Variants in PCDHGB1 observed in about 807,000 individuals in gnomAD.
PCDHGB1 encodes the protein protocadherin gamma subfamily B, 1.
PCDHGB1 carries 34 observed loss-of-function variants against 56.6 expected under a neutral mutation model. That is an observed-to-expected ratio of 0.60 (90% CI 0.46 to 0.80). The LOEUF is 0.80. Ranked by LOEUF, PCDHGB1 falls within the 30% of genes least tolerant of loss-of-function variation. The pLI is 0.00. For missense variants in PCDHGB1, 1,278 were observed against 1,204.6 expected, an observed-to-expected ratio of 1.06 and a Z score of -0.90; for synonymous variants, 561 against 505.9, an observed-to-expected ratio of 1.11 and a Z score of -1.46.
chr5:141,384,160 A>G, intron 1 of PCDHGB1: 1 of 1,613,640 alleles, frequency 6.2e-7, no homozygotes, highest in African/African-American at 1.3e-5. Flanking sequence ...GTATAACATC[A>G]CACTGAAAGC....
At chr5:141,488,519 G>C (rs1210943979) in intron 1 of PCDHGB1, among the ~76,000 whole-genome samples, 1 of 152,184 alleles carries the variant, frequency 6.6e-6, no homozygotes, top group Non-Finnish European at 1.5e-5. Flanking sequence ...GGGGTCTGGG[G>C]TGTCAGAAAA....
chr5:141,396,662 G>C (rs1589287769), intron 1 of PCDHGB1: 1 of 151,614 alleles, frequency 6.6e-6, no homozygotes, highest in Admixed American at 6.6e-5. Context: ...ACTCGGTATA[G>C]GCTATCCATT....
Position 141,487,295 on chromosome 5 carries a change from T to C in PCDHGB1, c.2410-7512T>C, listed in dbSNP as rs2099642474. The C allele has an allele frequency of 5.6e-6, 9 of 1,614,164 alleles. No individual in the cohort carries two copies. In the East Asian group the frequency reaches 1.3e-4, roughly 24 times the overall value. ...AATTTGCTTTGTCTCCTTTGGCTCA[T>C]TCGTGGCACTACTCTCTAAGTGTCT... On this transcript the variant is annotated intron_variant, in intron 1 of 3. Transcript: ENST00000523390. This position sits in a 1 kb window ranked among gnomAD's most constrained non-coding sequence, Gnocchi z 5.0.
intron 3 of PCDHGB1, among the ~76,000 whole-genome samples, chr5:141,507,893 G>C (rs750472786): frequency 2.2e-4 from 33 of 152,356 alleles, no homozygotes; most frequent in Non-Finnish European, 4.1e-4. Context: ...AGAGGTTCCT[G>C]AAGTCCAGCC....
chr5:141,372,672 T>A, intron 1 of PCDHGB1: 1 of 1,613,978 alleles, frequency 6.2e-7, no homozygotes. Context: ...TGCCTCACAT[T>A]CCTCAAACAC....
intron 2 of PCDHGB1, among the ~76,000 whole-genome samples, chr5:141,499,689 CTTTTTTT>C (rs545067566): frequency 8.3e-6 from 1 of 119,856 alleles, no homozygotes; most frequent in Non-Finnish European, 1.7e-5. Flanking sequence ...TAACAGATGA[CTTTTTTT>C]TTTTTTTTTT....
chr5:141,501,013 C>A (rs1456343329), intron 2 of PCDHGB1, among the ~76,000 whole-genome samples: 6 of 151,970 alleles, frequency 3.9e-5, no homozygotes, highest in Non-Finnish European at 8.8e-5. Flanking sequence ...GGACTACAGG[C>A]ACGCGCCACC....
At chr5:141,504,269 A>T (rs7715517) in intron 2 of PCDHGB1, among the ~76,000 whole-genome samples, 3,100 of 152,246 alleles carry the variant, frequency 0.02, 113 homozygotes, top group African/African-American at 0.07. Context: ...GTATTTTTTT[A>T]AATTATGAAT....
At chr5:141,386,978 T>C (rs1267866332) in intron 1 of PCDHGB1, among the ~76,000 whole-genome samples, 1 of 152,172 alleles carries the variant, frequency 6.6e-6, no homozygotes, top group Non-Finnish European at 1.5e-5. Flanking sequence ...GACTTTGTGT[T>C]TTGAGGCTAT....
At chr5:141,404,949 A>G in intron 1 of PCDHGB1, 1 of 1,613,834 alleles carries the variant, frequency 6.2e-7, no homozygotes, top group Non-Finnish European at 8.5e-7. Flanking sequence ...GCCATAGCTG[A>G]CAGCATCCCA....
chr5:141,387,704 GC>G (rs1273015763), intron 1 of PCDHGB1: 1 of 969,516 alleles, frequency 1.0e-6, no homozygotes, highest in African/African-American at 1.6e-5. Flanking sequence ...TTCCAGGGCA[GC>G]CCCAGCTCAG....
chr5:141,385,870 A>G (rs2150302172), intron 1 of PCDHGB1: 1 of 153,178 alleles, frequency 6.5e-6, no homozygotes, highest in African/African-American at 2.4e-5. Flanking sequence ...AGAAGGTTGG[A>G]TTTATGCCTA....
chr5:141,371,047 G>A, intron 1 of PCDHGB1: 1 of 1,613,990 alleles, frequency 6.2e-7, no homozygotes. Flanking sequence ...GTGGATGGGG[G>A]CGAGCCCTCC....
Position 141,491,620 on chromosome 5 carries a change from A to C in PCDHGB1, c.2410-3187A>C. On this transcript the variant is annotated intron_variant, in intron 1 of 3. Coordinates refer to ENST00000523390, the MANE Select transcript of PCDHGB1 (RefSeq NM_018922.3). This position sits in a 1 kb window ranked among gnomAD's most constrained non-coding sequence, Gnocchi z 6.9. ...TGACTTCACTTTTCTAAGACCCCTC[A>C]GCGTTCAGCAGCCCACAGCTCTGGC... is the stretch of plus-strand genomic sequence containing the variant. 6.2e-7 allele frequency: 1 copy of C among 1,613,906 alleles called. No individual in the cohort carries two copies. The highest frequency in any genetic ancestry group is 1.1e-5 in the South Asian group (1 of 91,084).
chr5:141,359,965 C>T, intron 1 of PCDHGB1: 1 of 621,570 alleles, frequency 1.6e-6, no homozygotes, highest in South Asian at 5.1e-5. Flanking sequence ...CGAAGAGAAG[C>T]GTTTGGGAGC....
At position 141,487,769 on chromosome 5, in the gene PCDHGB1, T is replaced by C. The variant is rs775270506; in HGVS notation, c.2410-7038T>C. Reference sequence around the variant, plus strand: ...TAACTATGTGGTAGACGCTGTGCTTTGTAACTGTTTCGTGAATTAACCAGA... The same window carrying C: ...TAACTATGTGGTAGACGCTGTGCTTCGTAACTGTTTCGTGAATTAACCAGA... On this transcript the variant is annotated intron_variant, in intron 1 of 3. Transcript: ENST00000523390. The surrounding 1 kb of genome is among the most constrained non-coding windows in gnomAD (Gnocchi z 5.0). 8 of 1,538,288 alleles carry C rather than the reference T, an allele frequency of 5.2e-6. No homozygotes were observed. The highest frequency in any genetic ancestry group is 1.2e-5 in the South Asian group (1 of 82,608).
chr5:141,421,239 G>T (rs773410079), intron 1 of PCDHGB1: 5 of 1,599,000 alleles, frequency 3.1e-6, no homozygotes, highest in Middle Eastern at 3.3e-4. Flanking sequence ...TGGCGAATCG[G>T]CTACAGCGCG....
chr5:141,420,460 A>G lies in PCDHGB1; in HGVS notation c.2409+67791A>G, dbSNP rs946386638. On this transcript the variant is annotated intron_variant, in intron 1 of 3. Coordinates refer to ENST00000523390, the MANE Select transcript of PCDHGB1 (RefSeq NM_018922.3). ...AATGCCTCAGTCTTCCTACTATTCA[A>G]AGACATTTTAAAGCAAACTACATGG... The G allele has an allele frequency of 3.4e-6, 3 of 889,944 alleles. No individual in the cohort carries two copies. The African/African-American group carries it at 5.2e-5, about 16-fold the overall frequency. 55.1% of individuals were successfully genotyped at this position (889,944 alleles called of 1,614,324 possible).
At chr5:141,371,952 T>A in intron 1 of PCDHGB1, 1 of 1,613,260 alleles carries the variant, frequency 6.2e-7, no homozygotes. Flanking sequence ...GCAGCGAGCC[T>A]TCGACCACGA....
Sources: gnomAD v4.1 joint callset for allele counts (sites outside exome capture counted in the v4.1 genomes callset) on GRCh38, gnomAD v4.1.1 for gene constraint, Gnocchi (gnomAD v3.1) non-coding constraint, MANE v1.5 for transcripts, NCBI Gene and HGNC (gene_info 2026-07-23, HGNC 2026-07-21) for gene names.